CFAP54: variants seen among roughly 807,000 people sequenced by gnomAD.
The protein encoded by CFAP54 is cilia- and flagella-associated protein 54.
In CFAP54, 290 loss-of-function variants were observed where a neutral mutation model predicts 370.4. The observed-to-expected ratio is 0.78, with a 90% confidence interval of 0.71 to 0.86. CFAP54 has a LOEUF of 0.86. CFAP54 is among the 40% of genes least tolerant of loss of function. CFAP54 has a pLI of 0.00. For synonymous variants in CFAP54, 1,206 were observed against 1,236.5 expected, an observed-to-expected ratio of 0.98 and a Z score of 0.52; for missense variants, 3,399 against 3,528.7, an observed-to-expected ratio of 0.96 and a Z score of 0.93.
chr12:96,744,597 GC>G (rs1183229580), intron 55 of CFAP54, among the ~76,000 whole-genome samples: 2 of 152,060 alleles, frequency 1.3e-5, no homozygotes, highest in African/African-American at 4.8e-5. Context: ...TGTGTTAAAT[GC>G]ATTATGTATT....
At chr12:96,598,136 A>G (rs1290363296) in intron 25 of CFAP54, among the ~76,000 whole-genome samples, 2 of 151,964 alleles carry the variant, frequency 1.3e-5, no homozygotes, top group Non-Finnish European at 2.9e-5. Context: ...CAAATTTAAG[A>G]TCATATAATA....
intron 9 of CFAP54, among the ~76,000 whole-genome samples, chr12:96,528,477 C>T (rs1336874668): frequency 6.6e-6 from 1 of 152,194 alleles, no homozygotes; most frequent in East Asian, 1.9e-4. Flanking sequence ...GAAGTATGCC[C>T]TCTTTCTCCA....
In CFAP54 at chr12:96,538,320, A is replaced by C. The variant is rs950033576; in HGVS notation, c.1792-64A>C. 4 of 1,335,224 alleles carry C rather than the reference A, an allele frequency of 3.0e-6. No homozygotes were observed. In the East Asian group the frequency reaches 1.0e-4, roughly 34 times the overall value. 82.7% of individuals were successfully genotyped at this position (1,335,224 alleles called of 1,614,324 possible). On this transcript the variant is annotated intron_variant, in intron 12 of 67. Transcript: ENST00000524981. The stretch of plus-strand genomic sequence containing the variant: ...GCTCTTAGAGTGTTTCTCAGCACAC[A>C]GTAAATGTTATATACATGTATTTTA...
At position 96,663,839 on chromosome 12, in the gene CFAP54, C is replaced by T. The variant is rs768477463; in HGVS notation, c.5470C>T (p.Arg1824Ter). The change falls in exon 39 of 68, where the codon CGA (arginine) becomes TGA (stop). Residue 1824 changes from arginine to a stop codon, truncating the protein, a stop_gained. Coordinates refer to ENST00000524981, the MANE Select transcript of CFAP54 (RefSeq NM_001306084.2). LOFTEE classifies it high-confidence loss of function. ...ACCTTTCTTTTTAAAGATAACTTGC[C>T]GAAATTTCATTGGGAAGCAGCTTAA... ...EAEYGEKITC[R>*]NFIGKQLKIN... 11 of 1,610,906 alleles carry T rather than the reference C, an allele frequency of 6.8e-6. No homozygotes were observed. The highest frequency in any genetic ancestry group is 5.0e-5 in the Admixed American group (3 of 59,584).
chr12:96,549,665 T>A (rs141020789), intron 15 of CFAP54, among the ~76,000 whole-genome samples: 465 of 152,352 alleles, frequency 3.1e-3, no homozygotes, highest in Admixed American at 5.4e-3. Flanking sequence ...TATTTTGTCT[T>A]TTTGAGTATA....
intron 32 of CFAP54, among the ~76,000 whole-genome samples, chr12:96,634,928 TC>T (rs1956647903): frequency 6.6e-6 from 1 of 152,204 alleles, no homozygotes; most frequent in African/African-American, 2.4e-5. Flanking sequence ...TGTATTCTGT[TC>T]CATTGATCTA....
intron 4 of CFAP54, among the ~76,000 whole-genome samples, chr12:96,509,576 G>T (rs1955142774): frequency 6.6e-6 from 1 of 152,118 alleles, no homozygotes; most frequent in Non-Finnish European, 1.5e-5. Context: ...AGCACTTTGA[G>T]AGGCCAAGGC....
At position 96,647,907 on chromosome 12, in the gene CFAP54, T is replaced by A; in HGVS notation, c.4580T>A (p.Leu1527Gln). Residue 1527 changes from leucine (L) to glutamine (Q), a missense_variant, in exon 34 of 68, where the codon CTG becomes CAG. Leu to Gln is a moderately radical substitution (Grantham distance 113, BLOSUM62 -2). Transcript: ENST00000524981. ...FRSCDPNMFSLYNSGTVLPTR... is the reference protein window; with the variant it reads ...FRSCDPNMFSQYNSGTVLPTR... ...TCATGTGATCCTAACATGTTTTCACTGTATAATTCAGGAACAGTATTACCA... is the reference window on the plus strand; with the variant it reads ...TCATGTGATCCTAACATGTTTTCACAGTATAATTCAGGAACAGTATTACCA... 2.0e-6 allele frequency: 3 copies of A among 1,510,042 alleles called. No homozygotes were observed. Among genetic ancestry groups the A allele is most frequent in the Non-Finnish European group, 2.6e-6 (3 of 1,138,352 alleles). 93.5% of individuals were successfully genotyped at this position (1,510,042 alleles called of 1,614,324 possible).
Position 96,693,738 on chromosome 12 carries a change from C to A in CFAP54, c.6281C>A (p.Ala2094Glu). The change falls in exon 45 of 68, where the codon GCA (alanine) becomes GAA (glutamate). Residue 2094 changes from alanine (A) to glutamate (E), a missense_variant. Physicochemically the swap from Ala to Glu is moderately radical, Grantham distance 107. This residue lies in a region of CFAP54 where 2,796 missense variants were observed against 2,869.7 expected (regional missense o/e 0.97). Coordinates refer to ENST00000524981, the MANE Select transcript of CFAP54 (RefSeq NM_001306084.2). ...RQNLIVLPLL[A>E]LYQYFVSGIC... The stretch of plus-strand genomic sequence containing the variant: ...TCCTGATAGGTTCTGCCTCTCCTTG[C>A]ATTGTATCAATATTTTGTTTCTGGA... The A allele has an allele frequency of 6.3e-7, 1 of 1,592,382 alleles. No homozygotes were observed. Among genetic ancestry groups the A allele is most frequent in the Non-Finnish European group, 8.6e-7 (1 of 1,162,946 alleles).
rs112152220 is a variant in CFAP54 at position 96,685,574 on chromosome 12, C to T, written c.6014+336C>T. On this transcript the variant is annotated intron_variant, in intron 42 of 67. Transcript: ENST00000524981. Reference sequence around the variant, plus strand: ...GTTGTTTGGGTTTTTTTTTTTGAGACGGAGTCTCACTCTGTTGCCCTGGCT... The same window carrying T: ...GTTGTTTGGGTTTTTTTTTTTGAGATGGAGTCTCACTCTGTTGCCCTGGCT... Among the ~76,000 whole-genome samples, 362 of 150,802 alleles carry T rather than the reference C, an allele frequency of 2.4e-3. 2 individuals are homozygous for T. Among genetic ancestry groups the T allele is most frequent in the East Asian group, 0.015 (77 of 5,120 alleles).
At chr12:96,636,131 A>G (rs565340869) in intron 32 of CFAP54, among the ~76,000 whole-genome samples, 1 of 152,328 alleles carries the variant, frequency 6.6e-6, no homozygotes, top group Admixed American at 6.5e-5. Context: ...TAGGTTCCAC[A>G]GGGACTTTCT....
intron 14 of CFAP54, among the ~76,000 whole-genome samples, chr12:96,547,344 G>A (rs1955650831): frequency 6.6e-6 from 1 of 152,010 alleles, no homozygotes; most frequent in South Asian, 2.1e-4. Flanking sequence ...GCGCCACCAT[G>A]CCTGGCTAAT....
chr12:96,852,062 CAG>C (rs1300567678), intron 66 of CFAP54, among the ~76,000 whole-genome samples: 1 of 152,022 alleles, frequency 6.6e-6, no homozygotes, highest in Non-Finnish European at 1.5e-5. Flanking sequence ...TTCTATATAA[CAG>C]AAGCAATAAT....
At chr12:96,771,524 C>T (rs1474989908) in intron 60 of CFAP54, among the ~76,000 whole-genome samples, 3 of 152,272 alleles carry the variant, frequency 2.0e-5, no homozygotes, top group Non-Finnish European at 2.9e-5. Flanking sequence ...CGGTGGTGGG[C>T]CCCTGTAGTC....
intron 50 of CFAP54, among the ~76,000 whole-genome samples, chr12:96,726,361 T>C (rs1370255769): frequency 2.0e-5 from 3 of 152,246 alleles, no homozygotes; most frequent in African/African-American, 7.2e-5. Flanking sequence ...AGATCTGTTA[T>C]TGGTCTATTC....
chr12:96,494,299 C>G (rs953678135), intron 1 of CFAP54, among the ~76,000 whole-genome samples: 2 of 151,660 alleles, frequency 1.3e-5, no homozygotes, highest in Non-Finnish European at 2.9e-5. Context: ...AAGGATTACC[C>G]TTATGTAATT....
At chr12:96,694,055 C>T (rs1438612267) in intron 45 of CFAP54, among the ~76,000 whole-genome samples, 1 of 152,230 alleles carries the variant, frequency 6.6e-6, no homozygotes, top group African/African-American at 2.4e-5. Context: ...GCTCACCCAA[C>T]ACCAACTGGC....
chr12:96,690,768 A>G (rs1010440974), intron 43 of CFAP54, among the ~76,000 whole-genome samples: 9 of 152,196 alleles, frequency 5.9e-5, no homozygotes, highest in African/African-American at 1.9e-4. Context: ...TTTGTGACAT[A>G]ATAATCCTTC....
At chr12:96,733,029 A>G (rs559475796) in intron 50 of CFAP54, among the ~76,000 whole-genome samples, 1 of 152,322 alleles carries the variant, frequency 6.6e-6, no homozygotes, top group African/African-American at 2.4e-5. Context: ...GAAACTAAAA[A>G]TTACAAAATG....
Sources: gnomAD v4.1 joint callset for allele counts (sites outside exome capture counted in the v4.1 genomes callset) on GRCh38, gnomAD v4.1.1 for gene constraint, gnomAD v4.1.1 regional missense constraint, MANE v1.5 for transcripts, NCBI Gene and HGNC (gene_info 2026-07-23, HGNC 2026-07-21) for gene names.